ASAP1: variants seen among roughly 807,000 people sequenced by gnomAD.
The protein encoded by ASAP1 is arf-GAP with SH3 domain, ANK repeat and PH domain-containing protein 1.
In ASAP1, 43 loss-of-function variants were observed where a neutral mutation model predicts 145.2. The ratio of observed to expected loss-of-function variants is 0.30; its 90% CI spans 0.23 to 0.38. The LOEUF is 0.38. ASAP1 is among the 10% of genes least tolerant of loss of function. The pLI is 1.00. For synonymous variants in ASAP1, 546 were observed against 515.5 expected (o/e 1.06, Z -0.80); for missense variants, 1,018 against 1,355.3 (o/e 0.75, Z 3.91).
At chr8:130,176,742 G>A (rs1331955383) in intron 9 of ASAP1, among the ~76,000 whole-genome samples, 1 of 150,934 alleles carries the variant, frequency 6.6e-6, no homozygotes, top group African/African-American at 2.4e-5. Flanking sequence ...CCAGGCTGGA[G>A]TGCAATGGCG....
At chr8:130,194,463 C>T (rs1056199819) in intron 5 of ASAP1, among the ~76,000 whole-genome samples, 3 of 151,996 alleles carry the variant, frequency 2.0e-5, no homozygotes, top group East Asian at 1.9e-4. Context: ...TATTGTGCCA[C>T]GAAGATGGAG....
chr8:130,293,426 T>C (rs1822065964), intron 3 of ASAP1, among the ~76,000 whole-genome samples: 1 of 152,232 alleles, frequency 6.6e-6, no homozygotes, highest in African/African-American at 2.4e-5. Context: ...CATCCATCGC[T>C]CATGCCCCAG....
At chr8:130,164,482 T>G (rs2097675999) in intron 11 of ASAP1, among the ~76,000 whole-genome samples, 2 of 152,070 alleles carry the variant, frequency 1.3e-5, no homozygotes, top group Admixed American at 1.3e-4. Context: ...TCCCAGCTAC[T>G]TGGGAGGCTG....
intron 5 of ASAP1, among the ~76,000 whole-genome samples, chr8:130,206,987 TA>T (rs548490411): frequency 1.6e-4 from 24 of 148,516 alleles, no homozygotes; most frequent in Middle Eastern, 3.4e-3. Context: ...TTTTCATGGT[TA>T]AAAAAAAAAG....
intron 3 of ASAP1, among the ~76,000 whole-genome samples, chr8:130,304,976 C>A (rs1159360798): frequency 6.6e-6 from 1 of 151,926 alleles, no homozygotes; most frequent in Non-Finnish European, 1.5e-5. Flanking sequence ...ACCTTTCCAA[C>A]CTCTTCTTCC....
intron 3 of ASAP1, among the ~76,000 whole-genome samples, chr8:130,244,874 C>T (rs1159598097): frequency 6.6e-6 from 1 of 152,050 alleles, no homozygotes; most frequent in East Asian, 1.9e-4. Flanking sequence ...TTGGAACAAG[C>T]CAGGAAGGAA....
intron 26 of ASAP1, among the ~76,000 whole-genome samples, chr8:130,077,991 A>G (rs888910818): frequency 6.7e-6 from 1 of 148,468 alleles, no homozygotes; most frequent in Admixed American, 6.7e-5. Flanking sequence ...TTGTTTAAAA[A>G]CTTTTTTTTT....
At chr8:130,385,265 A>T (rs535460040) in intron 2 of ASAP1, among the ~76,000 whole-genome samples, 4 of 152,344 alleles carry the variant, frequency 2.6e-5, no homozygotes, top group Non-Finnish European at 5.9e-5. Context: ...CAGGAGTTCC[A>T]GACCAGCCTG....
At chr8:130,158,532 A>G (rs1197345875) in intron 12 of ASAP1, among the ~76,000 whole-genome samples, 1 of 152,012 alleles carries the variant, frequency 6.6e-6, no homozygotes, top group African/African-American at 2.4e-5. Context: ...CCAAAAAGAC[A>G]ATTATTAAAG....
intron 3 of ASAP1, among the ~76,000 whole-genome samples, chr8:130,345,747 C>A (rs1446273185): frequency 6.6e-6 from 1 of 152,154 alleles, no homozygotes; most frequent in Non-Finnish European, 1.5e-5. Context: ...CAAGGCAGGC[C>A]AATCACTTAA....
intron 3 of ASAP1, among the ~76,000 whole-genome samples, chr8:130,239,490 T>C (rs1366126563): frequency 6.6e-6 from 1 of 152,096 alleles, no homozygotes; most frequent in Non-Finnish European, 1.5e-5. Context: ...CAGAGCCTTA[T>C]CTTCTAACCA....
At chr8:130,158,099 G>C (rs1326003115) in intron 12 of ASAP1, among the ~76,000 whole-genome samples, 1 of 152,040 alleles carries the variant, frequency 6.6e-6, no homozygotes, top group African/African-American at 2.4e-5. Context: ...ATTTAGAAGA[G>C]AAATATTTAT....
chr8:130,166,212 T>C (rs2097679544), intron 11 of ASAP1, among the ~76,000 whole-genome samples: 1 of 152,188 alleles, frequency 6.6e-6, no homozygotes, highest in African/African-American at 2.4e-5. Flanking sequence ...TCTTACTTTG[T>C]TGCCTAGGCT....
At chr8:130,441,055 C>T (rs559299172) in intron 1 of ASAP1, among the ~76,000 whole-genome samples, 4 of 152,284 alleles carry the variant, frequency 2.6e-5, no homozygotes, top group South Asian at 2.1e-4. Context: ...CTTAGCATGG[C>T]GCAGGTGCTC....
intron 23 of ASAP1, among the ~76,000 whole-genome samples, chr8:130,113,906 C>T (rs147229567): frequency 1.2e-4 from 19 of 152,150 alleles, no homozygotes; most frequent in African/African-American, 2.9e-4. Flanking sequence ...CTCTGCCTCC[C>T]GGGCAGCTGG....
chr8:130,179,414 A>C (rs1161285243), intron 8 of ASAP1, 65 bp from the exon 9 acceptor site: 7 of 997,156 alleles, frequency 7.0e-6, no homozygotes, highest in Admixed American at 1.9e-5. Context: ...CCATGGGTTC[A>C]GGTGGCTGAA....
At chr8:130,138,562 C>T (rs1002658608) in intron 13 of ASAP1, among the ~76,000 whole-genome samples, 7 of 152,216 alleles carry the variant, frequency 4.6e-5, no homozygotes, top group African/African-American at 9.6e-5. Flanking sequence ...AAGAGCCAGA[C>T]GAGGTGGCTC....
At chr8:130,361,949 A>G (rs1374076243) in intron 2 of ASAP1, among the ~76,000 whole-genome samples, 1 of 152,194 alleles carries the variant, frequency 6.6e-6, no homozygotes, top group African/African-American at 2.4e-5. Context: ...CATTATAATA[A>G]GACTGTTCAG....
chr8:130,114,114 G>GT (rs200078763), intron 23 of ASAP1, among the ~76,000 whole-genome samples: 26 of 152,250 alleles, frequency 1.7e-4, no homozygotes, highest in East Asian at 5.8e-4. Flanking sequence ...CTGAGATAAC[G>GT]TAAGTGCTTA....
Sources: allele counts gnomAD v4.1 joint callset (sites outside exome capture counted in the v4.1 genomes callset), GRCh38; gene constraint gnomAD v4.1.1; transcripts MANE v1.5; gene names NCBI Gene and HGNC (gene_info 2026-07-23, HGNC 2026-07-21).